Variants in PCDHA3 observed in about 807,000 individuals in gnomAD.
PCDHA3 encodes the protein protocadherin alpha 3.
Under a neutral mutation model 62.2 loss-of-function variants are expected in PCDHA3, and 41 were observed. That is an observed-to-expected ratio of 0.66 (90% CI 0.51 to 0.86). The LOEUF is 0.86. Ranked by LOEUF, PCDHA3 falls within the 40% of genes least tolerant of loss-of-function variation. The pLI is 0.00. For missense variants in PCDHA3, 1,304 were observed against 1,241.2 expected (o/e 1.05, Z -0.76); for synonymous variants, 640 against 555.4 (o/e 1.15, Z -2.14).
chr5:140,976,323 G>A (rs532976656), intron 1 of PCDHA3, among the ~76,000 whole-genome samples: 26 of 152,258 alleles, frequency 1.7e-4, no homozygotes, highest in African/African-American at 6.0e-4. Context: ...GGCCGAGGAG[G>A]GTGGATTGCC....
At chr5:140,843,345 C>T (rs2150357960) in intron 1 of PCDHA3, 12 of 1,595,968 alleles carry the variant, frequency 7.5e-6, no homozygotes, top group African/African-American at 5.4e-5. Flanking sequence ...AGCGGCCAGG[C>T]TCCAAAAGCG....
intron 1 of PCDHA3, chr5:140,829,309 G>A (rs2150165707): frequency 1.1e-5 from 17 of 1,614,252 alleles, no homozygotes; most frequent in Non-Finnish European, 1.4e-5. Context: ...ATTACTACTC[G>A]TTGGTGCTGG....
chr5:141,011,822 A>G lies in PCDHA3; in HGVS notation c.*1885A>G, dbSNP rs181852141. 7 of 153,844 alleles carry G rather than the reference A, an allele frequency of 4.6e-5. No homozygotes were observed. The highest frequency in any genetic ancestry group is 1.4e-4 in the African/African-American group (6 of 41,546). The allele number at this position is 153,844 out of a possible 1,614,324, so 9.5% of individuals were successfully genotyped here. A position where few individuals can be genotyped will look rare whatever the true frequency, so the allele number is the denominator to read the frequency against. On this transcript the variant is annotated 3_prime_UTR_variant, in exon 4 of 4. Transcript: ENST00000522353. ...ATATCAGCTCATAGAAAGTAACAAA[A>G]TTTGCTGTCACCTTAAATAAGACAT...
In PCDHA3 at chr5:140,968,743, C is replaced by G. The variant is rs112674082; in HGVS notation, c.2395-10206C>G. Reference sequence around the variant, plus strand: ...AGAGTGGTAGCACTTTCAACCTGACCGTGGTGGTCCGAGATAATGGAGAGC... The same window carrying G: ...AGAGTGGTAGCACTTTCAACCTGACGGTGGTGGTCCGAGATAATGGAGAGC... On this transcript the variant is annotated intron_variant, in intron 1 of 3. Transcript: ENST00000522353. 10 of 1,614,060 alleles carry G rather than the reference C, an allele frequency of 6.2e-6. No homozygotes were observed. The South Asian group carries it at 9.9e-5, about 16-fold the overall frequency.
At chr5:140,925,959 T>A (rs1424415985) in intron 1 of PCDHA3, among the ~76,000 whole-genome samples, 5 of 151,912 alleles carry the variant, frequency 3.3e-5, no homozygotes, top group African/African-American at 4.8e-5. Flanking sequence ...GAAACTGCTA[T>A]CACGCAAAAA....
chr5:140,843,056 A>G (rs2150351365), intron 1 of PCDHA3: 779,075 of 1,594,132 alleles, frequency 0.49, 229,035 homozygotes, highest in African/African-American at 0.71. Context: ...CGCAGCGAGC[A>G]AGCTGGTGCC....
chr5:140,841,293 TA>T (rs1554138064), intron 1 of PCDHA3: 1 of 1,494,496 alleles, frequency 6.7e-7, no homozygotes, highest in African/African-American at 1.4e-5. Flanking sequence ...ATTAAGATAA[TA>T]TTTTCTGATA....
At chr5:140,850,644 C>T in intron 1 of PCDHA3, 1 of 1,598,664 alleles carries the variant, frequency 6.3e-7, no homozygotes, top group Non-Finnish European at 8.6e-7. Flanking sequence ...CACGCTGCTG[C>T]TGTACACTGT....
chr5:140,925,668 A>G (rs1215540778), intron 1 of PCDHA3, among the ~76,000 whole-genome samples: 1 of 149,482 alleles, frequency 6.7e-6, no homozygotes, highest in Admixed American at 6.7e-5. Context: ...TAATAATAAT[A>G]ATAATAATAA....
At chr5:140,848,693 G>C in intron 1 of PCDHA3, 1 of 1,592,386 alleles carries the variant, frequency 6.3e-7, no homozygotes, top group Non-Finnish European at 8.6e-7. Context: ...TGTTCCAGTT[G>C]GATTCCAAAG....
intron 1 of PCDHA3, chr5:140,877,782 G>A (rs1389004100): frequency 6.2e-7 from 1 of 1,614,036 alleles, no homozygotes; most frequent in Non-Finnish European, 8.5e-7. Context: ...CGGACCTCAT[G>A]GCCTTCAGCC....
chr5:140,869,793 C>A (rs782122541), intron 1 of PCDHA3: 44 of 1,612,682 alleles, frequency 2.7e-5, no homozygotes, highest in Non-Finnish European at 3.7e-5. Context: ...GGCTGTTAGT[C>A]CAAGTCTTGG....
intron 1 of PCDHA3, chr5:140,882,427 G>A: frequency 6.2e-7 from 1 of 1,614,090 alleles, no homozygotes; most frequent in Non-Finnish European, 8.5e-7. Flanking sequence ...AGGACCTGGG[G>A]CTGGAGCTGG....
At chr5:140,866,463 T>C (rs1372484700) in intron 1 of PCDHA3, 1 of 152,128 alleles carries the variant, frequency 6.6e-6, no homozygotes, top group Non-Finnish European at 1.5e-5. Flanking sequence ...GCTGGGAAGC[T>C]CATAACAACT....
intron 1 of PCDHA3, chr5:140,968,891 A>G (rs782512271): frequency 1.5e-5 from 24 of 1,614,060 alleles, no homozygotes; most frequent in South Asian, 1.1e-4. Context: ...CCTTTATCTA[A>G]TAATAGCATT....
intron 1 of PCDHA3, among the ~76,000 whole-genome samples, chr5:140,890,783 A>G (rs150043569): frequency 1.3e-5 from 2 of 152,302 alleles, no homozygotes; most frequent in African/African-American, 4.8e-5. Context: ...CCCATAAGAT[A>G]TTAGTATTAT....
chr5:140,968,511 C>T, intron 1 of PCDHA3: 2 of 1,614,198 alleles, frequency 1.2e-6, no homozygotes, highest in Non-Finnish European at 1.7e-6. Context: ...ATTCTGTACC[C>T]TACCTCAACC....
At chr5:140,815,220 G>A (rs1765678782) in intron 1 of PCDHA3, 1 of 151,932 alleles carries the variant, frequency 6.6e-6, no homozygotes, top group South Asian at 2.1e-4. Flanking sequence ...ACTTACTGTT[G>A]CCTCTTTGTT....
chr5:140,891,921 C>G (rs1405172226), intron 1 of PCDHA3, among the ~76,000 whole-genome samples: 1 of 152,234 alleles, frequency 6.6e-6, no homozygotes, highest in African/African-American at 2.4e-5. Flanking sequence ...ATGCTGGTGC[C>G]TTGATCTTGG....
Sources: allele counts gnomAD v4.1 joint callset (sites outside exome capture counted in the v4.1 genomes callset), GRCh38; gene constraint gnomAD v4.1.1; transcripts MANE v1.5; gene names NCBI Gene and HGNC (gene_info 2026-07-23, HGNC 2026-07-21).